Variants in PCDHAC1 observed in about 807,000 individuals in gnomAD.
PCDHAC1 encodes protocadherin alpha-C1.
Under a neutral mutation model 60.0 loss-of-function variants are expected in PCDHAC1, and 42 were observed. The observed-to-expected ratio is 0.70, with a 90% CI of 0.55 to 0.90. The LOEUF (loss-of-function observed/expected upper bound fraction) is 0.90. PCDHAC1 is among the 40% of genes least tolerant of loss of function. PCDHAC1 has a pLI of 0.00. For missense variants in PCDHAC1, 1,160 were observed against 1,222.3 expected, an observed-to-expected ratio of 0.95 and a Z score of 0.76; for synonymous variants, 468 against 499.3, an observed-to-expected ratio of 0.94 and a Z score of 0.84.
intron 3 of PCDHAC1, among the ~76,000 whole-genome samples, chr5:140,985,406 GA>G (rs1554247033): frequency 6.6e-6 from 1 of 152,136 alleles, no homozygotes; most frequent in Non-Finnish European, 1.5e-5. Flanking sequence ...TGTTCCCCTG[GA>G]AATGGAGTGA....
rs781815387 is a variant in PCDHAC1, at chr5:140,978,983, C to A, written c.2468C>A (p.Ala823Asp). The part of the protein sequence containing the change: ...RQPNPDWRYS[A>D]SLRAGMHSSV... Reference sequence around the variant, plus strand: ...CCCAACCCTGACTGGCGTTACTCTGCCTCCCTGAGAGCAGGCATGCACAGG... The same window carrying A: ...CCCAACCCTGACTGGCGTTACTCTGACTCCCTGAGAGCAGGCATGCACAGG... Residue 823 changes from alanine (A) to aspartate (D), a missense_variant, in exon 2 of 4, where the codon GCC (alanine) becomes GAC (aspartate). By Grantham distance (126) the Ala-to-Asp change is moderately radical. Transcript: ENST00000253807. 1.6e-5 allele frequency: 26 copies of A among 1,614,142 alleles called. No homozygotes were observed. Among genetic ancestry groups the A allele is most frequent in the Non-Finnish European group, 2.2e-5 (26 of 1,180,024 alleles).
intron 3 of PCDHAC1, among the ~76,000 whole-genome samples, chr5:140,987,400 C>T (rs1554249169): frequency 1.3e-5 from 2 of 152,090 alleles, no homozygotes; most frequent in Middle Eastern, 3.2e-3. Context: ...AGGAAGCCAT[C>T]TGTTTATGGT....
chr5:140,987,805 C>T (rs2097269328), intron 3 of PCDHAC1, among the ~76,000 whole-genome samples: 3 of 152,140 alleles, frequency 2.0e-5, no homozygotes. Flanking sequence ...TTTAAAGTGC[C>T]TGTCTCTTTG....
chr5:140,938,828 G>A (rs570802606), intron 1 of PCDHAC1, among the ~76,000 whole-genome samples: 84 of 152,072 alleles, frequency 5.5e-4, no homozygotes, highest in Admixed American at 1.4e-3. Context: ...ATGAGTTTGC[G>A]TTATAACAAA....
intron 1 of PCDHAC1, among the ~76,000 whole-genome samples, chr5:140,941,202 C>CTTTCCTTCTTT (rs1554213921): frequency 8.1e-6 from 1 of 122,742 alleles, no homozygotes; most frequent in Non-Finnish European, 1.8e-5. Flanking sequence ...TTTCTTTCTT[C>CTTTCCTTCTTT]CTTTCTTTCT....
chr5:140,943,276 AAG>A (rs1491082610), intron 1 of PCDHAC1, among the ~76,000 whole-genome samples: 3,151 of 135,552 alleles, frequency 0.023, 213 homozygotes, highest in African/African-American at 0.087. Flanking sequence ...AAAAAAAAAA[AAG>A]AAAGAAAGAA....
intron 3 of PCDHAC1, among the ~76,000 whole-genome samples, chr5:140,998,396 T>A (rs2097810780): frequency 6.6e-6 from 1 of 152,212 alleles, no homozygotes. Flanking sequence ...ATGCCATCTT[T>A]ATGCCAAAGT....
chr5:140,943,751 T>C (rs947548745), intron 1 of PCDHAC1, among the ~76,000 whole-genome samples: 1 of 152,048 alleles, frequency 6.6e-6, no homozygotes, highest in South Asian at 2.1e-4. Flanking sequence ...CTAAAAGCAG[T>C]AGGAGATGTA....
chr5:141,001,448 G>A (rs1465333650), intron 3 of PCDHAC1, among the ~76,000 whole-genome samples: 1 of 152,190 alleles, frequency 6.6e-6, no homozygotes, highest in Non-Finnish European at 1.5e-5. Context: ...TCTTTCCACT[G>A]TCAATTGAAG....
At chr5:140,978,486 G>T (rs1289847782) in intron 1 of PCDHAC1, among the ~76,000 whole-genome samples, 1 of 152,248 alleles carries the variant, frequency 6.6e-6, no homozygotes, top group Admixed American at 6.5e-5. Flanking sequence ...AGTCTGCAAA[G>T]CCAGCAGCAG....
rs1478449575 is a variant in PCDHAC1 at position 141,010,392 on chromosome 5, G to A, written c.*455G>A. The stretch of plus-strand genomic sequence containing the variant: ...GCGAGTGCCAGATATTGGCTGAGAC[G>A]AGCCAGCTTAGACTAATTGGTACAA... On this transcript the variant is annotated 3_prime_UTR_variant, in exon 4 of 4. Transcript: ENST00000253807. The A allele has an allele frequency of 8.0e-6, 11 of 1,381,722 alleles. No individual in the cohort carries two copies. The highest frequency in any genetic ancestry group is 7.3e-5 in the African/African-American group (5 of 68,772). The allele number at this position is 1,381,722 out of a possible 1,614,324, so 85.6% of individuals were successfully genotyped here. A position where few individuals can be genotyped will look rare whatever the true frequency, so the allele number is the denominator to read the frequency against.
intron 1 of PCDHAC1, among the ~76,000 whole-genome samples, chr5:140,976,501 A>G (rs568983330): frequency 6.6e-6 from 1 of 152,240 alleles, no homozygotes; most frequent in East Asian, 1.9e-4. Context: ...CAGGGAGCCA[A>G]GATCGCGCCA....
At chr5:140,986,480 T>A (rs781884269) in intron 3 of PCDHAC1, among the ~76,000 whole-genome samples, 16 of 152,200 alleles carry the variant, frequency 1.1e-4, no homozygotes, top group Non-Finnish European at 1.5e-4. Flanking sequence ...GATCAGTTCC[T>A]AGGGCAATCC....
At chr5:140,955,705 T>G (rs1554222053) in intron 1 of PCDHAC1, among the ~76,000 whole-genome samples, 1 of 152,232 alleles carries the variant, frequency 6.6e-6, no homozygotes, top group East Asian at 1.9e-4. Context: ...CAATGGAAGT[T>G]TAATAGGAAT....
At chr5:140,969,149 G>T (rs782510891) in intron 1 of PCDHAC1, 9 of 1,614,120 alleles carry the variant, frequency 5.6e-6, no homozygotes, top group Admixed American at 1.7e-5. Context: ...CTGCTACAAG[G>T]CCTGTCTGAC....
chr5:140,976,383 T>G (rs963492291), intron 1 of PCDHAC1, among the ~76,000 whole-genome samples: 4 of 152,058 alleles, frequency 2.6e-5, no homozygotes, highest in African/African-American at 9.7e-5. Context: ...AAACCCCATC[T>G]CTACTAAAAA....
chr5:140,981,264 C>T (rs2096925155), intron 2 of PCDHAC1, among the ~76,000 whole-genome samples: 1 of 152,128 alleles, frequency 6.6e-6, no homozygotes, highest in Non-Finnish European at 1.5e-5. Flanking sequence ...TCAAGATAAG[C>T]AAATGTCTAG....
intron 3 of PCDHAC1, among the ~76,000 whole-genome samples, chr5:141,007,772 G>T (rs1384054820): frequency 6.6e-6 from 1 of 152,122 alleles, no homozygotes; most frequent in Non-Finnish European, 1.5e-5. Context: ...GCCTGGAAAT[G>T]GTACTGCTTT....
chr5:140,931,304 G>C (rs1218460625), intron 1 of PCDHAC1, among the ~76,000 whole-genome samples: 1 of 152,056 alleles, frequency 6.6e-6, no homozygotes, highest in African/African-American at 2.4e-5. Context: ...CAAAAAGAGA[G>C]GAGAATACCA....
Sources: allele counts gnomAD v4.1 joint callset (sites outside exome capture counted in the v4.1 genomes callset), GRCh38; gene constraint gnomAD v4.1.1; transcripts MANE v1.5; gene names NCBI Gene and HGNC (gene_info 2026-07-23, HGNC 2026-07-21).